Variants in PDE4D observed in about 807,000 individuals in gnomAD.
PDE4D encodes phosphodiesterase 4D, also known as 3',5'-cyclic-AMP phosphodiesterase 4D.
PDE4D carries 24 observed loss-of-function variants against 87.4 expected under a neutral mutation model. That is an observed-to-expected ratio of 0.27 (90% CI 0.20 to 0.39). PDE4D has a LOEUF of 0.39. PDE4D is among the 10% of genes least tolerant of loss of function. PDE4D has a pLI of 1.00. For synonymous variants in PDE4D, 384 were observed against 383.2 expected (o/e 1.00, Z -0.02); for missense variants, 714 against 1,041.0 (o/e 0.69, Z 4.32).
chr5:59,285,282 T>A (rs1235761078), intron 1 of PDE4D, among the ~76,000 whole-genome samples: 1 of 151,576 alleles, frequency 6.6e-6, no homozygotes, highest in African/African-American at 2.4e-5. Flanking sequence ...TAGCACAATA[T>A]CTGGCTTACA....
intron 1 of PDE4D, among the ~76,000 whole-genome samples, chr5:60,227,884 C>T (rs1348627857): frequency 6.6e-6 from 1 of 152,040 alleles, no homozygotes; most frequent in East Asian, 1.9e-4. Flanking sequence ...TGCTCTGGCT[C>T]CCATTTTTTC....
chr5:59,724,664 C>G (rs1409934808), intron 1 of PDE4D, among the ~76,000 whole-genome samples: 2 of 152,024 alleles, frequency 1.3e-5, no homozygotes, highest in African/African-American at 4.8e-5. Flanking sequence ...TTCTCTAACC[C>G]CCTTTCTCCC....
intron 1 of PDE4D, among the ~76,000 whole-genome samples, chr5:60,284,595 C>T (rs910754677): frequency 6.6e-6 from 1 of 152,114 alleles, no homozygotes; most frequent in Admixed American, 6.6e-5. Flanking sequence ...AGAAAAGAGG[C>T]CCCGATGATA....
rs567599483 is a variant in PDE4D, at chr5:59,192,374, A to T, written c.684+1126T>A. 2.4e-4 allele frequency among the ~76,000 whole-genome samples: 37 copies of T among 152,306 alleles called. No homozygotes were observed. The South Asian group carries it at 7.5e-3, about 31-fold the overall frequency. On this transcript the variant is annotated intron_variant, in intron 3 of 14. Transcript: ENST00000340635. ...ATTATTTCAGTGTCTTAGCAATCTT[A>T]TGAGGTGGGTACTCTTGGAACTGTT...
At chr5:59,510,476 C>T (rs1033741269) in intron 1 of PDE4D, among the ~76,000 whole-genome samples, 2 of 150,934 alleles carry the variant, frequency 1.3e-5, no homozygotes, top group African/African-American at 4.9e-5. Flanking sequence ...AAAGAGAAAA[C>T]AGCAACAAAA....
At chr5:59,342,870 C>T (rs1343566114) in intron 1 of PDE4D, among the ~76,000 whole-genome samples, 1 of 152,058 alleles carries the variant, frequency 6.6e-6, no homozygotes, top group Non-Finnish European at 1.5e-5. Context: ...GAAATACGTA[C>T]ACATTACGGA....
At chr5:59,881,120 C>A (rs1749371758) in intron 1 of PDE4D, among the ~76,000 whole-genome samples, 1 of 152,084 alleles carries the variant, frequency 6.6e-6, no homozygotes, top group African/African-American at 2.4e-5. Flanking sequence ...CAATTATTTT[C>A]TCAGTCAAGA....
chr5:59,267,009 T>C (rs1422272965), intron 1 of PDE4D, among the ~76,000 whole-genome samples: 1 of 96,086 alleles, frequency 1.0e-5, no homozygotes, highest in Non-Finnish European at 2.7e-5. Context: ...GTTCATTGTC[T>C]GTCAAAGAGT....
At chr5:59,920,180 T>G (rs959587227) in intron 3 of PDE4D, among the ~76,000 whole-genome samples, 1 of 152,184 alleles carries the variant, frequency 6.6e-6, no homozygotes, top group African/African-American at 2.4e-5. Context: ...CTGATCCAGA[T>G]GTAACCCTGT....
At chr5:60,054,520 A>C (rs878899040) in intron 2 of PDE4D, among the ~76,000 whole-genome samples, 1 of 151,888 alleles carries the variant, frequency 6.6e-6, no homozygotes, top group African/African-American at 2.4e-5. Context: ...ATCACACACC[A>C]GGGCCTGTCG....
At chr5:60,295,411 C>T (rs1330634664) in intron 1 of PDE4D, among the ~76,000 whole-genome samples, 1 of 152,206 alleles carries the variant, frequency 6.6e-6, no homozygotes, top group Non-Finnish European at 1.5e-5. Flanking sequence ...ACAGTCATTA[C>T]TACCTTGTTC....
intron 1 of PDE4D, among the ~76,000 whole-genome samples, chr5:60,305,038 T>TACAC (rs35539982): frequency 0.035 from 4,802 of 135,870 alleles, 135 homozygotes; most frequent in East Asian, 0.12. Flanking sequence ...TTTTGAGCTA[T>TACAC]ACACACACAC....
intron 1 of PDE4D, among the ~76,000 whole-genome samples, chr5:59,530,293 GT>G (rs935636585): frequency 6.6e-6 from 1 of 152,000 alleles, no homozygotes; most frequent in Non-Finnish European, 1.5e-5. Flanking sequence ...AAATCAGACA[GT>G]TTTTTCCCCC....
rs1554043745 is a variant in PDE4D at position 59,616,915 on chromosome 5, T to TTACATATATATATATATATATA, written c.455+276231_455+276252dup. ...TTTGTGTATTACTTAGACCTAATAA[T>TTACATATATATATATATATATA]TACATATATATATATATATATATAT... On this transcript the variant is annotated intron_variant, in intron 1 of 14. Coordinates refer to ENST00000340635, the MANE Select transcript of PDE4D (RefSeq NM_001104631.2). Among the ~76,000 whole-genome samples, 17 of 12,296 alleles carry TTACATATATATATATATATATA rather than the reference T, an allele frequency of 1.4e-3. 1 individual carries two copies. The East Asian group carries it at 0.026, about 19-fold the overall frequency. 8.1% of individuals were successfully genotyped at this position (12,296 alleles called of 152,430 possible). A position where few individuals can be genotyped will look rare whatever the true frequency, so the allele number is the denominator to read the frequency against.
At chr5:58,976,237 T>C in intron 13 of PDE4D, 113 bp downstream of exon 13, 1 of 1,174,304 alleles carries the variant, frequency 8.5e-7, no homozygotes, top group Non-Finnish European at 1.1e-6. Flanking sequence ...CTACAATTGC[T>C]GAAAGTATAA....
At chr5:59,648,337 A>C (rs1467945190) in intron 1 of PDE4D, among the ~76,000 whole-genome samples, 1 of 152,200 alleles carries the variant, frequency 6.6e-6, no homozygotes, top group Non-Finnish European at 1.5e-5. Flanking sequence ...TGACATCTCA[A>C]TAGTTCTTCA....
At chr5:60,257,352 C>T (rs759655254) in intron 1 of PDE4D, among the ~76,000 whole-genome samples, 1 of 151,816 alleles carries the variant, frequency 6.6e-6, no homozygotes, top group African/African-American at 2.4e-5. Context: ...AAAACTTTCG[C>T]TATTAAGGTA....
At chr5:59,243,533 C>T (rs563731020) in intron 1 of PDE4D, among the ~76,000 whole-genome samples, 1 of 125,620 alleles carries the variant, frequency 8.0e-6, no homozygotes, top group East Asian at 2.5e-4. Flanking sequence ...GATCTTGGCT[C>T]ACTGCAACCT....
intron 1 of PDE4D, among the ~76,000 whole-genome samples, chr5:60,282,341 G>A (rs1752024562): frequency 6.6e-6 from 1 of 151,590 alleles, no homozygotes; most frequent in Admixed American, 6.6e-5. Flanking sequence ...AATGAAGATT[G>A]AAGAGTGCAT....
Sources: gnomAD v4.1 joint callset for allele counts (sites outside exome capture counted in the v4.1 genomes callset) on GRCh38, gnomAD v4.1.1 for gene constraint, MANE v1.5 for transcripts, NCBI Gene and HGNC (gene_info 2026-07-23, HGNC 2026-07-21) for gene names.